The following PMS1 variants were observed in gnomAD, a reference collection of about 807,000 sequenced individuals.
The protein encoded by PMS1 is PMS1 homolog 1, mismatch repair system component, also known as PMS1 protein homolog 1.
Under a neutral mutation model 93.1 loss-of-function variants are expected in PMS1, and 79 were observed. The ratio of observed to expected loss-of-function variants is 0.85; its 90% CI spans 0.71 to 1.02. The LOEUF (loss-of-function observed/expected upper bound fraction) is 1.02, where lower values mean the gene tolerates loss of function less well. PMS1 is among the 50% of genes least tolerant of loss of function. The pLI is 0.00. For synonymous variants in PMS1, 335 were observed against 363.4 expected (o/e 0.92, Z 0.89); for missense variants, 1,064 against 1,085.3 (o/e 0.98, Z 0.28).
chr2:189,876,472 C>T (rs1262938936), intron 12 of PMS1, among the ~76,000 whole-genome samples: 1 of 152,154 alleles, frequency 6.6e-6, no homozygotes, highest in African/African-American at 2.4e-5. Context: ...GTGATCTGGC[C>T]TCTGCCTAAT....
rs761453284 is a variant in PMS1 at position 189,795,941 on chromosome 2, G to A, written c.305G>A (p.Cys102Tyr). ...GGAGAAGCCTTGGGGTCAATTTGTTGTATAGCTGAGGTAAGGTAATTATAT... is the reference window on the plus strand; with the variant it reads ...GGAGAAGCCTTGGGGTCAATTTGTTATATAGCTGAGGTAAGGTAATTATAT... ...FRGEALGSIC[C>Y]IAEVLITTRT... Residue 102 changes from cysteine to tyrosine, a missense_variant, in exon 3 of 13, where the codon TGT becomes TAT. Physicochemically the swap from Cys to Tyr is radical, Grantham distance 194 (BLOSUM62 -2). Transcript: ENST00000441310. The A allele has an allele frequency of 6.2e-7, 1 of 1,605,634 alleles. No individual in the cohort carries two copies. Among genetic ancestry groups the A allele is most frequent in the Admixed American group, 1.7e-5 (1 of 59,998 alleles).
intron 2 of PMS1, among the ~76,000 whole-genome samples, chr2:189,794,297 A>G (rs555057881): frequency 5.1e-4 from 78 of 151,584 alleles, no homozygotes; most frequent in African/African-American, 1.8e-3. Flanking sequence ...TATTTTTAGT[A>G]GTGACCGAGG....
At chr2:189,875,955 C>CAAAA (rs561168809) in intron 12 of PMS1, among the ~76,000 whole-genome samples, 1,045 of 46,072 alleles carry the variant, frequency 0.023, 133 homozygotes, top group African/African-American at 0.075. Flanking sequence ...GACTCTGTCT[C>CAAAA]AAAAAAAAAA....
intron 11 of PMS1, among the ~76,000 whole-genome samples, chr2:189,868,780 G>A (rs542164424): frequency 6.6e-6 from 1 of 152,174 alleles, no homozygotes; most frequent in South Asian, 2.1e-4. Flanking sequence ...AAAATACTTT[G>A]GTGTCCCAAA....
At chr2:189,800,613 A>G (rs2049802873) in intron 3 of PMS1, among the ~76,000 whole-genome samples, 1 of 152,208 alleles carries the variant, frequency 6.6e-6, no homozygotes, top group Non-Finnish European at 1.5e-5. Context: ...TATTTTCAAG[A>G]CTAGCTTATT....
chr2:189,798,564 AT>A (rs2049565725), intron 3 of PMS1, among the ~76,000 whole-genome samples: 1 of 152,138 alleles, frequency 6.6e-6, no homozygotes, highest in African/African-American at 2.4e-5. Flanking sequence ...AGAGGGTTCA[AT>A]TGGGCATTGT....
At chr2:189,842,543 T>C (rs1451474783) in intron 5 of PMS1, among the ~76,000 whole-genome samples, 2 of 152,134 alleles carry the variant, frequency 1.3e-5, no homozygotes, top group East Asian at 3.9e-4. Context: ...TGGACCATGA[T>C]TGTCTTAAAA....
intron 4 of PMS1, among the ~76,000 whole-genome samples, chr2:189,814,451 A>G (rs1386056433): frequency 1.3e-5 from 2 of 151,956 alleles, no homozygotes; most frequent in Non-Finnish European, 2.9e-5. Context: ...TTTCCCCCCA[A>G]TCTTCTTTTA....
chr2:189,852,376 A>C (rs1485229952), intron 6 of PMS1, among the ~76,000 whole-genome samples: 1 of 152,244 alleles, frequency 6.6e-6, no homozygotes, highest in Non-Finnish European at 1.5e-5. Flanking sequence ...GTCCTATGAC[A>C]GTTAAATATC....
chr2:189,872,468 T>C (rs944783600), intron 11 of PMS1, among the ~76,000 whole-genome samples: 1 of 152,132 alleles, frequency 6.6e-6, no homozygotes, highest in Non-Finnish European at 1.5e-5. Context: ...TATGTAGACT[T>C]CATGAAAGAA....
chr2:189,858,374 TTATAAC>T (rs2055575419), intron 9 of PMS1, among the ~76,000 whole-genome samples: 1 of 152,138 alleles, frequency 6.6e-6, no homozygotes, highest in Non-Finnish European at 1.5e-5. Flanking sequence ...ATGATAAACT[TTATAAC>T]TAAATGCAAT....
rs765594171 is a variant in PMS1 at position 189,818,074 on chromosome 2, A to T, written c.476A>T (p.Tyr159Phe). 1.9e-6 allele frequency: 3 copies of T among 1,603,328 alleles called. No homozygotes were observed. Among genetic ancestry groups the T allele is most frequent in the Non-Finnish European group, 2.6e-6 (3 of 1,170,558 alleles). Residue 159 changes from tyrosine to phenylalanine, a missense_variant, in exon 5 of 13, where the codon TAC becomes TTC. Transcript: ENST00000441310. ...FKNLPVRKQF[Y>F]STAKKCKDEI... ...AATCTACCTGTAAGAAAGCAGTTTTACTCAACTGCAAAAAAATGTAAAGAT... is the reference window on the plus strand; with the variant it reads ...AATCTACCTGTAAGAAAGCAGTTTTTCTCAACTGCAAAAAAATGTAAAGAT...
At chr2:189,786,244 G>C (rs1055446131) in intron 1 of PMS1, among the ~76,000 whole-genome samples, 4 of 152,184 alleles carry the variant, frequency 2.6e-5, no homozygotes, top group African/African-American at 7.2e-5. Context: ...TACTTAACCT[G>C]GTTGGCAATT....
intron 1 of PMS1, chr2:189,784,819 C>T (rs1421314275): frequency 6.6e-6 from 1 of 152,308 alleles, no homozygotes; most frequent in Non-Finnish European, 1.5e-5. Flanking sequence ...GTCCCATTCC[C>T]CAGACCCTTC....
intron 5 of PMS1, among the ~76,000 whole-genome samples, chr2:189,825,089 T>C (rs1311120779): frequency 6.6e-6 from 1 of 152,186 alleles, no homozygotes; most frequent in African/African-American, 2.4e-5. Context: ...ACTATTGCTA[T>C]TTTGATAACT....
intron 4 of PMS1, among the ~76,000 whole-genome samples, chr2:189,811,560 C>T (rs2050848552): frequency 6.6e-6 from 1 of 152,106 alleles, no homozygotes; most frequent in Admixed American, 6.6e-5. Flanking sequence ...GTGCCATACA[C>T]TCTAGCCTGG....
At chr2:189,858,280 G>T (rs543694448) in intron 9 of PMS1, among the ~76,000 whole-genome samples, 7 of 151,974 alleles carry the variant, frequency 4.6e-5, no homozygotes, top group African/African-American at 1.7e-4. Context: ...CTCAGTTGAC[G>T]TTAGCTTGAA....
At chr2:189,791,191 T>C (rs1458819113) in intron 1 of PMS1, among the ~76,000 whole-genome samples, 1 of 152,188 alleles carries the variant, frequency 6.6e-6, no homozygotes, top group Non-Finnish European at 1.5e-5. Context: ...AGAGGAATTG[T>C]TGAAGGACTT....
At position 189,843,959 on chromosome 2, in the gene PMS1, C is replaced by T. The variant is rs1433331898; in HGVS notation, c.583-5C>T. 2 of 1,610,206 alleles carry T rather than the reference C, an allele frequency of 1.2e-6. No homozygotes were observed. The highest frequency in any genetic ancestry group is 1.7e-6 in the Non-Finnish European group (2 of 1,176,740). On this transcript the variant is annotated splice_polypyrimidine_tract_variant and splice_region_variant and intron_variant, in intron 5 of 12. Coordinates refer to ENST00000441310, the MANE Select transcript of PMS1 (RefSeq NM_000534.5). ...AAAAGTTATCTATATCATTTTTGTCCCTAGGCAGTTATTTGGCAGAAAAGC... is the reference window on the plus strand; with the variant it reads ...AAAAGTTATCTATATCATTTTTGTCTCTAGGCAGTTATTTGGCAGAAAAGC...
Sources: gnomAD v4.1 joint callset for allele counts (sites outside exome capture counted in the v4.1 genomes callset) on GRCh38, gnomAD v4.1.1 for gene constraint, MANE v1.5 for transcripts, NCBI Gene and HGNC (gene_info 2026-07-23, HGNC 2026-07-21) for gene names.